WWP2: variants seen among roughly 807,000 people sequenced by gnomAD.
WWP2 encodes NEDD4-like E3 ubiquitin-protein ligase WWP2.
WWP2 carries 57 observed loss-of-function variants against 121.0 expected under a neutral mutation model. The observed-to-expected ratio is 0.47, with a 90% CI of 0.38 to 0.59. WWP2 has a LOEUF of 0.59. WWP2 is among the 20% of genes least tolerant of loss of function. WWP2 has a pLI of 0.00. For missense variants in WWP2, 962 were observed against 1,158.9 expected, an observed-to-expected ratio of 0.83 and a Z score of 2.47; for synonymous variants, 449 against 441.3, an observed-to-expected ratio of 1.02 and a Z score of -0.22.
intron 4 of WWP2, among the ~76,000 whole-genome samples, chr16:69,815,925 T>C (rs1446704596): frequency 1.3e-5 from 2 of 152,178 alleles, no homozygotes; most frequent in Non-Finnish European, 2.9e-5. Context: ...ACCAGGCTAA[T>C]TTTTAAATTT....
chr16:69,871,126 A>G (rs918612898), intron 6 of WWP2, among the ~76,000 whole-genome samples: 3 of 150,708 alleles, frequency 2.0e-5, no homozygotes, highest in Non-Finnish European at 4.4e-5. Flanking sequence ...TCTCCCCAAA[A>G]ATAAAAAAAT....
chr16:69,856,831 G>A (rs1030172133), intron 6 of WWP2, among the ~76,000 whole-genome samples: 3 of 151,854 alleles, frequency 2.0e-5, no homozygotes, highest in African/African-American at 4.8e-5. Context: ...TTGGTGTGAC[G>A]TTAACCTAAC....
chr16:69,881,013 G>T (rs1447884353), intron 7 of WWP2, among the ~76,000 whole-genome samples: 1 of 152,108 alleles, frequency 6.6e-6, no homozygotes, highest in African/African-American at 2.4e-5. Flanking sequence ...ACTAGAGTGT[G>T]TCCCAGTCCT....
chr16:69,873,168 GTGT>G (rs760616827), intron 7 of WWP2, among the ~76,000 whole-genome samples: 3 of 152,228 alleles, frequency 2.0e-5, no homozygotes, highest in Non-Finnish European at 4.4e-5. Context: ...TTTCACGGAA[GTGT>G]TGTTGTGGCA....
chr16:69,920,830 T>C (rs1042244620), intron 10 of WWP2, among the ~76,000 whole-genome samples: 2 of 152,146 alleles, frequency 1.3e-5, no homozygotes, highest in African/African-American at 2.4e-5. Flanking sequence ...AATTTTTTTT[T>C]CCCTTAAAAG....
intron 11 of WWP2, among the ~76,000 whole-genome samples, chr16:69,929,147 CTG>C (rs2058677020): frequency 6.6e-6 from 1 of 152,134 alleles, no homozygotes; most frequent in African/African-American, 2.4e-5. Flanking sequence ...CTGGTTTGAG[CTG>C]TGCTGCTCCC....
chr16:69,851,435 G>A (rs1297938396), intron 6 of WWP2, among the ~76,000 whole-genome samples: 1 of 152,098 alleles, frequency 6.6e-6, no homozygotes, highest in African/African-American at 2.4e-5. Context: ...GGATCATAGA[G>A]TATATAGCCT....
rs550474370 is a variant in WWP2, at chr16:69,807,941, G to A, written c.340+8646G>A. Among the ~76,000 whole-genome samples the A allele has an allele frequency of 2.6e-5, 4 of 152,252 alleles. No homozygotes were observed. The South Asian group carries it at 8.3e-4, about 32-fold the overall frequency. On this transcript the variant is annotated intron_variant, in intron 4 of 23. Coordinates refer to ENST00000359154, the MANE Select transcript of WWP2 (RefSeq NM_001270454.2). ...GCTGCACTCCAGCCTGGGTGACAGA[G>A]CAAAACCCTATCTCAAACAAACAAA...
chr16:69,806,995 T>C (rs1405086035), intron 4 of WWP2, among the ~76,000 whole-genome samples: 2 of 152,068 alleles, frequency 1.3e-5, no homozygotes, highest in Non-Finnish European at 1.5e-5. Flanking sequence ...CATTCATTTA[T>C]AGCTTTTCAG....
At chr16:69,902,395 C>T (rs1029134718) in intron 8 of WWP2, among the ~76,000 whole-genome samples, 2 of 152,146 alleles carry the variant, frequency 1.3e-5, no homozygotes, top group African/African-American at 2.4e-5. Context: ...GAAAAAGTAC[C>T]TAAGATTAAT....
chr16:69,937,769 C>A lies in WWP2; in HGVS notation c.2343+117C>A. 1.1e-6 allele frequency: 1 copy of A among 935,658 alleles called. No individual in the cohort carries two copies. Among genetic ancestry groups the A allele is most frequent in the Non-Finnish European group, 1.6e-6 (1 of 614,318 alleles). 58.0% of individuals were successfully genotyped at this position (935,658 alleles called of 1,614,324 possible). A position where few individuals can be genotyped will look rare whatever the true frequency, so the allele number is the denominator to read the frequency against. ...GCTTTGGCCCTGTCCTTGCCTCCCA[C>A]ACCTTGCAAAAGGAGACGATAGACC... On this transcript the variant is annotated intron_variant, in intron 21 of 23. Transcript: ENST00000359154. The surrounding 1 kb of genome is among the most constrained non-coding windows in gnomAD (Gnocchi z 6.6).
At chr16:69,916,592 A>C (rs183937847) in intron 9 of WWP2, among the ~76,000 whole-genome samples, 370 of 152,280 alleles carry the variant, frequency 2.4e-3, no homozygotes, top group South Asian at 4.3e-3. Flanking sequence ...AGTCAGTGGC[A>C]GGGAGACTGA....
chr16:69,848,900 G>C (rs776154431), intron 6 of WWP2, among the ~76,000 whole-genome samples: 14 of 152,096 alleles, frequency 9.2e-5, no homozygotes, highest in Non-Finnish European at 1.2e-4. Context: ...TTTTTTACAT[G>C]GAAAAGTTTC....
chr16:69,872,065 T>A (rs943798815), intron 7 of WWP2, 134 bp downstream of exon 7: 37 of 1,344,664 alleles, frequency 2.8e-5, no homozygotes, highest in Non-Finnish European at 3.5e-5. Context: ...AAACTGGATT[T>A]GAATCCATCA....
intron 10 of WWP2, among the ~76,000 whole-genome samples, chr16:69,921,251 C>T (rs986027883): frequency 2.6e-5 from 4 of 152,152 alleles, no homozygotes; most frequent in African/African-American, 9.7e-5. Flanking sequence ...TGCTATGGTG[C>T]CATGTCCTGG....
chr16:69,933,384 G>A lies in WWP2; in HGVS notation c.1683-586G>A, dbSNP rs546603673. The stretch of plus-strand genomic sequence containing the variant: ...ACGGGGATGGTGTTGGGGTCTGGGG[G>A]TGAAGGGAGGGCAAAGTGCAAGAGT... On this transcript the variant is annotated intron_variant, in intron 16 of 23. Coordinates refer to ENST00000359154, the MANE Select transcript of WWP2 (RefSeq NM_001270454.2). Among the ~76,000 whole-genome samples the A allele has an allele frequency of 3.3e-5, 5 of 152,284 alleles. No individual in the cohort carries two copies. In the South Asian group the frequency reaches 8.3e-4, roughly 25 times the overall value.
At chr16:69,914,312 C>G (rs1016724241) in intron 9 of WWP2, among the ~76,000 whole-genome samples, 1 of 152,056 alleles carries the variant, frequency 6.6e-6, no homozygotes, top group Non-Finnish European at 1.5e-5. Context: ...AAAAAAGACT[C>G]ACCCCAAGGC....
intron 8 of WWP2, among the ~76,000 whole-genome samples, chr16:69,903,883 T>C (rs2058246785): frequency 1.3e-5 from 2 of 152,188 alleles, no homozygotes; most frequent in Non-Finnish European, 2.9e-5. Flanking sequence ...TATTAGAGTT[T>C]TCCAAATAGT....
In WWP2 at chr16:69,930,137, C is replaced by T. The variant is rs1297452854; in HGVS notation, c.1324C>T (p.Gln442Ter). 1 of 1,613,908 alleles carries T rather than the reference C, an allele frequency of 6.2e-7. No individual in the cohort carries two copies. Among genetic ancestry groups the T allele is most frequent in the Non-Finnish European group, 8.5e-7 (1 of 1,179,960 alleles). The stretch of plus-strand genomic sequence containing the variant: ...TTCTTCCCGTGTTTCCAGGATGATC[C>T]AGGAACCAGCTCTGCCCCCAGGATG... ...WEDPRTQGMI[Q>*]EPALPPGWEM... Residue 442 changes from glutamine to a stop codon, truncating the protein, a stop_gained, in exon 13 of 24, where the codon CAG (glutamine) becomes TAG (stop). Coordinates refer to ENST00000359154, the MANE Select transcript of WWP2 (RefSeq NM_001270454.2). LOFTEE classifies it high-confidence loss of function.
Sources: gnomAD v4.1 joint callset for allele counts (sites outside exome capture counted in the v4.1 genomes callset) on GRCh38, gnomAD v4.1.1 for gene constraint, Gnocchi (gnomAD v3.1) non-coding constraint, MANE v1.5 for transcripts, NCBI Gene and HGNC (gene_info 2026-07-23, HGNC 2026-07-21) for gene names.